ABCB7: variants seen among roughly 807,000 people sequenced by gnomAD.
ABCB7 encodes iron-sulfur clusters transporter ABCB7, mitochondrial.
Under a neutral mutation model 54.4 loss-of-function variants are expected in ABCB7, and 7 were observed. That is an observed-to-expected ratio of 0.13 (90% CI 0.07 to 0.24). The LOEUF is 0.24. Among genes scored for constraint, ABCB7 ranks in the 10% least tolerant of loss-of-function variants. The probability of loss-of-function intolerance (pLI) is 1.00; values close to 1 mark genes in which losing one functional copy is unlikely to be tolerated. For missense variants in ABCB7, 356 were observed against 570.4 expected (o/e 0.62, Z 3.83); for synonymous variants, 218 against 207.1 (o/e 1.05, Z -0.45).
chrX:75,088,578 A>G (rs2081518523), intron 4 of ABCB7, among the ~76,000 whole-genome samples: 2 of 111,861 alleles, frequency 1.8e-5, no homozygotes, highest in South Asian at 3.7e-4. Flanking sequence ...AGTGAGCTTG[A>G]AGACGTATGT....
intron 1 of ABCB7, among the ~76,000 whole-genome samples, chrX:75,126,409 T>G (rs1279022096): frequency 1.8e-5 from 2 of 111,652 alleles, no homozygotes; most frequent in African/African-American, 6.5e-5. Context: ...AAAGCAGTGT[T>G]TAGAGTGAAA....
At chrX:75,066,620 C>T (rs1162383160) in intron 12 of ABCB7, among the ~76,000 whole-genome samples, 2 of 110,582 alleles carry the variant, frequency 1.8e-5, no homozygotes, top group East Asian at 5.7e-4. Context: ...ATATAATTAT[C>T]TATATGTATC....
At chrX:75,112,053 T>C (rs1213491498) in intron 3 of ABCB7, among the ~76,000 whole-genome samples, 1 of 112,258 alleles carries the variant, frequency 8.9e-6, no homozygotes, top group East Asian at 2.8e-4. Flanking sequence ...GTGAAGTGTT[T>C]TGAGTTCCTT....
chrX:75,075,246 T>A, intron 6 of ABCB7, 116 bp downstream of exon 6: 1 of 804,840 alleles, frequency 1.2e-6, no homozygotes, highest in Non-Finnish European at 1.8e-6. Flanking sequence ...ATTTCTGGCA[T>A]CATGGAATTT....
rs72630732 is a variant in ABCB7 at position 75,118,398 on chromosome X, C to T, written c.169-3567G>A. Among the ~76,000 whole-genome samples, 408 of 98,347 alleles carry T rather than the reference C, an allele frequency of 4.1e-3. 7 individuals are homozygous for T. The highest frequency in any genetic ancestry group is 0.034 in the East Asian group (107 of 3,193). 85.4% of individuals were successfully genotyped at this position (98,347 alleles called of 115,157 possible). ...TCTGATAATAAGAAATTTAAAAGGC[C>T]TTTTTTTTTTTTTTAAAGAGCACTG... On this transcript the variant is annotated intron_variant, in intron 1 of 15. Transcript: ENST00000373394.
At chrX:75,122,447 A>G (rs1381426796) in intron 1 of ABCB7, among the ~76,000 whole-genome samples, 1 of 112,453 alleles carries the variant, frequency 8.9e-6, no homozygotes, top group East Asian at 2.8e-4. Context: ...TGCCCCGCCT[A>G]TGGAATAGCC....
At chrX:75,113,123 A>G (rs1305391157) in intron 2 of ABCB7, 151 bp from the exon 3 acceptor site, 6 of 466,506 alleles carry the variant, frequency 1.3e-5, no homozygotes, top group African/African-American at 2.4e-5. Flanking sequence ...AAACACCTCC[A>G]CAATTAACTT....
intron 3 of ABCB7, among the ~76,000 whole-genome samples, chrX:75,103,011 T>C (rs968009494): frequency 9.0e-6 from 1 of 111,670 alleles, no homozygotes; most frequent in African/African-American, 3.2e-5. Flanking sequence ...TCCTTGTATA[T>C]TCTGAATATT....
chrX:75,127,187 G>A (rs766774363), intron 1 of ABCB7, among the ~76,000 whole-genome samples: 84 of 111,278 alleles, frequency 7.5e-4, no homozygotes, highest in Non-Finnish European at 1.3e-3. Context: ...GAATCCAGCA[G>A]CACATTAAAA....
intron 1 of ABCB7, among the ~76,000 whole-genome samples, chrX:75,122,861 G>GTGTGTGTGT: frequency 1.1e-5 from 1 of 93,152 alleles, no homozygotes; most frequent in East Asian, 4.2e-4. Flanking sequence ...TTAAAATTGG[G>GTGTGTGTGT]GTGTGTGTGT....
chrX:75,103,257 C>T (rs1038583522), intron 3 of ABCB7, among the ~76,000 whole-genome samples: 2 of 111,411 alleles, frequency 1.8e-5, no homozygotes, highest in Non-Finnish European at 3.8e-5. Flanking sequence ...TCAAGTCTTA[C>T]ATTTAAGTCT....
chrX:75,134,499 C>T (rs770549711), intron 1 of ABCB7, among the ~76,000 whole-genome samples: 1 of 111,873 alleles, frequency 8.9e-6, no homozygotes, highest in Non-Finnish European at 1.9e-5. Context: ...ACAGAACACT[C>T]CATGCAAGAA....
intron 4 of ABCB7, among the ~76,000 whole-genome samples, chrX:75,090,738 A>T (rs2147492579): frequency 9.0e-6 from 1 of 111,278 alleles, no homozygotes; most frequent in South Asian, 3.7e-4. Context: ...TAGTCAGGCT[A>T]ATCAAGCAAA....
intron 12 of ABCB7, 152 bp from the exon 13 acceptor site, chrX:75,065,393 T>G: frequency 1.9e-6 from 1 of 516,848 alleles, no homozygotes; most frequent in Non-Finnish European, 3.1e-6. Flanking sequence ...CAAAATCCCA[T>G]TCCCTTCCCA....
intron 10 of ABCB7, 103 bp downstream of exon 10, chrX:75,070,262 A>G: frequency 1.2e-6 from 1 of 846,367 alleles, no homozygotes; most frequent in Non-Finnish European, 1.7e-6. Flanking sequence ...CAAGTAAAAT[A>G]AATTGGTTTG....
chrX:75,140,764 C>T lies in ABCB7; in HGVS notation c.168+15341G>A, dbSNP rs1346978394. On this transcript the variant is annotated intron_variant, in intron 1 of 15. Transcript: ENST00000373394. ...GTTTCCTCCCACCTTCACTTTCTGACCTTGTTCTGATATGCTCTTTAATTT... is the reference window on the plus strand; with the variant it reads ...GTTTCCTCCCACCTTCACTTTCTGATCTTGTTCTGATATGCTCTTTAATTT... 7.2e-5 allele frequency among the ~76,000 whole-genome samples: 8 copies of T among 110,954 alleles called. No homozygotes were observed. In the East Asian group the frequency reaches 2.3e-3, roughly 31 times the overall value.
chrX:75,121,971 A>G (rs1043376336), intron 1 of ABCB7, among the ~76,000 whole-genome samples: 1 of 111,063 alleles, frequency 9.0e-6, no homozygotes, highest in Non-Finnish European at 1.9e-5. Flanking sequence ...ATTGCATCAG[A>G]TGGATCTTCA....
chrX:75,066,321 T>C (rs964636646), intron 12 of ABCB7, among the ~76,000 whole-genome samples: 20 of 111,601 alleles, frequency 1.8e-4, no homozygotes, highest in Non-Finnish European at 1.9e-5. Context: ...TTGCTTTAAA[T>C]AGTATTTAAA....
intron 4 of ABCB7, among the ~76,000 whole-genome samples, chrX:75,080,953 A>C (rs1016677811): frequency 3.6e-5 from 4 of 111,157 alleles, no homozygotes; most frequent in Non-Finnish European, 7.5e-5. Context: ...CAGGAGTCTA[A>C]CTTCTCACTC....
Sources: allele counts gnomAD v4.1 joint callset (sites outside exome capture counted in the v4.1 genomes callset), GRCh38; gene constraint gnomAD v4.1.1; transcripts MANE v1.5; gene names NCBI Gene and HGNC (gene_info 2026-07-23, HGNC 2026-07-21).